Variants in SLIT3 observed in about 807,000 individuals in gnomAD.
SLIT3 encodes the protein slit guidance ligand 3.
Under a neutral mutation model 184.0 loss-of-function variants are expected in SLIT3, and 68 were observed. The observed-to-expected ratio is 0.37, with a 90% CI of 0.30 to 0.45. The LOEUF (loss-of-function observed/expected upper bound fraction) is 0.45, where lower values mean the gene tolerates loss of function less well. Among genes scored for constraint, SLIT3 ranks in the 20% least tolerant of loss-of-function variants. The probability of loss-of-function intolerance (pLI) is 1.00; values close to 1 mark genes in which losing one functional copy is unlikely to be tolerated. For missense variants in SLIT3, 1,707 were observed against 2,026.0 expected (o/e 0.84, Z 3.02); for synonymous variants, 831 against 828.6 (o/e 1.00, Z -0.05).
At chr5:168,951,992 T>C (rs900558855) in intron 4 of SLIT3, among the ~76,000 whole-genome samples, 7 of 152,200 alleles carry the variant, frequency 4.6e-5, no homozygotes, top group African/African-American at 1.7e-4. Context: ...CTTACCGCCC[T>C]GGATCCCCAC....
rs192199885 is a variant in SLIT3, at chr5:168,793,815, A to G, written c.1007+1692T>C. On this transcript the variant is annotated intron_variant, in intron 10 of 35. Transcript: ENST00000519560. Reference sequence around the variant, plus strand: ...AAAAATGAATTGGGGGGGGGGATGCATGGAGAGCGGGCTGGGGAAGCAGGG... The same window carrying G: ...AAAAATGAATTGGGGGGGGGGATGCGTGGAGAGCGGGCTGGGGAAGCAGGG... Among the ~76,000 whole-genome samples, 20 of 151,724 alleles carry G rather than the reference A, an allele frequency of 1.3e-4. No homozygotes were observed. In the East Asian group the frequency reaches 3.7e-3, roughly 28 times the overall value.
At chr5:168,670,084 C>T (rs544950637) in intron 34 of SLIT3, 93 bp from the exon 35 acceptor site, 56 of 1,004,412 alleles carry the variant, frequency 5.6e-5, no homozygotes, top group African/African-American at 3.2e-4. Flanking sequence ...CCAGGGGACC[C>T]GGAGCTGAGT....
intron 4 of SLIT3, among the ~76,000 whole-genome samples, chr5:169,164,150 C>G (rs297818): frequency 0.24 from 36,325 of 152,148 alleles, 4,923 homozygotes; most frequent in Middle Eastern, 0.38. Flanking sequence ...TAAACATAAC[C>G]ACACATTCGA....
At chr5:168,860,442 G>T (rs150626285) in intron 5 of SLIT3, among the ~76,000 whole-genome samples, 3 of 152,084 alleles carry the variant, frequency 2.0e-5, no homozygotes, top group African/African-American at 7.2e-5. Flanking sequence ...AATGGGGAGG[G>T]ATTGAGGAGT....
At chr5:169,128,611 A>G (rs1268474865) in intron 4 of SLIT3, among the ~76,000 whole-genome samples, 1 of 152,050 alleles carries the variant, frequency 6.6e-6, no homozygotes, top group Non-Finnish European at 1.5e-5. Flanking sequence ...TTGTATTTTT[A>G]GTAGAGACGA....
At chr5:168,766,518 C>T (rs927276020) in intron 14 of SLIT3, among the ~76,000 whole-genome samples, 9 of 152,228 alleles carry the variant, frequency 5.9e-5, no homozygotes, top group Non-Finnish European at 1.3e-4. Flanking sequence ...GGGCAGGGAG[C>T]CGTCCTAGTA....
chr5:169,110,246 C>T (rs561510342), intron 4 of SLIT3, among the ~76,000 whole-genome samples: 27 of 152,292 alleles, frequency 1.8e-4, no homozygotes, highest in Admixed American at 1.6e-3. Context: ...GGCCCCAAAG[C>T]CAAAAATACT....
intron 4 of SLIT3, among the ~76,000 whole-genome samples, chr5:169,117,369 C>T (rs1050576899): frequency 6.6e-6 from 1 of 152,170 alleles, no homozygotes; most frequent in South Asian, 2.1e-4. Context: ...AGATCCACAT[C>T]ACTGGGCCCT....
At chr5:168,911,631 C>T (rs1298863405) in intron 4 of SLIT3, among the ~76,000 whole-genome samples, 1 of 152,138 alleles carries the variant, frequency 6.6e-6, no homozygotes, top group Non-Finnish European at 1.5e-5. Context: ...CTAAATAATT[C>T]CAGTCCAAGA....
chr5:169,073,248 C>T (rs1205273571), intron 4 of SLIT3, among the ~76,000 whole-genome samples: 1 of 152,080 alleles, frequency 6.6e-6, no homozygotes, highest in Non-Finnish European at 1.5e-5. Context: ...GGCATTAGCA[C>T]ATTAAAAGAG....
At chr5:169,048,800 TCA>T (rs1757716433) in intron 4 of SLIT3, among the ~76,000 whole-genome samples, 1 of 152,228 alleles carries the variant, frequency 6.6e-6, no homozygotes, top group Non-Finnish European at 1.5e-5. Flanking sequence ...CTGGAACGAA[TCA>T]CAGTCTGGGA....
At chr5:168,731,073 A>G (rs1320153569) in intron 20 of SLIT3, among the ~76,000 whole-genome samples, 1 of 152,052 alleles carries the variant, frequency 6.6e-6, no homozygotes, top group African/African-American at 2.4e-5. Flanking sequence ...GAAGATCCAA[A>G]TAAATACAAT....
chr5:169,092,465 G>A (rs771427644), intron 4 of SLIT3, among the ~76,000 whole-genome samples: 14 of 151,974 alleles, frequency 9.2e-5, no homozygotes, highest in Admixed American at 3.9e-4. Context: ...TCTTGCTACC[G>A]AAGTCTCAGT....
intron 1 of SLIT3, among the ~76,000 whole-genome samples, chr5:169,255,579 A>G (rs1765928782): frequency 6.6e-6 from 1 of 152,246 alleles, no homozygotes. Flanking sequence ...AAAAAAATTA[A>G]AAGTTTATAA....
intron 4 of SLIT3, among the ~76,000 whole-genome samples, chr5:168,939,252 C>G (rs1013457081): frequency 6.6e-6 from 1 of 152,152 alleles, no homozygotes; most frequent in Non-Finnish European, 1.5e-5. Context: ...CCGCTGGGCT[C>G]GGGCACATTT....
chr5:169,177,608 T>C (rs1763024055), intron 4 of SLIT3, among the ~76,000 whole-genome samples: 1 of 152,124 alleles, frequency 6.6e-6, no homozygotes, highest in Non-Finnish European at 1.5e-5. Context: ...GGCTGTGGGA[T>C]TCTAAGTACC....
intron 14 of SLIT3, 68 bp downstream of exon 14, chr5:168,772,713 T>C (rs753728606): frequency 6.4e-7 from 1 of 1,555,826 alleles, no homozygotes; most frequent in Admixed American, 1.7e-5. Flanking sequence ...CCAGATTGGA[T>C]TATTGGCCTC....
chr5:169,111,363 T>C (rs1479915462), intron 4 of SLIT3, among the ~76,000 whole-genome samples: 5 of 152,234 alleles, frequency 3.3e-5, no homozygotes, highest in Non-Finnish European at 7.3e-5. Flanking sequence ...AGATGATAAG[T>C]ATTTTTGGCT....
chr5:168,669,880 T>C lies in SLIT3; in HGVS notation c.4239A>G (p.Ser1413=). Residue 1413 remains serine (S), a synonymous_variant, in exon 35 of 36, where the codon TCA becomes TCG. Coordinates refer to ENST00000519560, the MANE Select transcript of SLIT3 (RefSeq NM_003062.4). Reference sequence around the variant, plus strand: ...ACTGCCCATGGTGACACTTGAAGGCTGAGCAGGCATTGGCAGAGTCATTCT... The same window carrying C: ...ACTGCCCATGGTGACACTTGAAGGCCGAGCAGGCATTGGCAGAGTCATTCT... ...DNKNDSANAC[S]AFKCHHGQCH... 2.5e-6 allele frequency: 4 copies of C among 1,614,230 alleles called. No homozygotes were observed. In the South Asian group the frequency reaches 3.3e-5, roughly 13 times the overall value.
Sources: allele counts gnomAD v4.1 joint callset (sites outside exome capture counted in the v4.1 genomes callset), GRCh38; gene constraint gnomAD v4.1.1; transcripts MANE v1.5; gene names NCBI Gene and HGNC (gene_info 2026-07-23, HGNC 2026-07-21).